Variants in RNF185 observed in about 807,000 individuals in gnomAD.
RNF185 encodes ring finger protein 185, also known as E3 ubiquitin-protein ligase RNF185.
A neutral mutation model predicts 24.9 loss-of-function variants in RNF185; 13 were observed. The ratio of observed to expected loss-of-function variants is 0.52; its 90% CI spans 0.34 to 0.83. The LOEUF (loss-of-function observed/expected upper bound fraction) is 0.83. Among genes scored for constraint, RNF185 ranks in the 40% least tolerant of loss-of-function variants. The pLI, the probability that RNF185 is intolerant of heterozygous loss-of-function variation, is 0.01. For synonymous variants in RNF185, 79 were observed against 90.3 expected, an observed-to-expected ratio of 0.88 and a Z score of 0.71; for missense variants, 184 against 244.7, an observed-to-expected ratio of 0.75 and a Z score of 1.65.
chr22:31,198,167 A>G (rs775904269), intron 5 of RNF185, among the ~76,000 whole-genome samples: 5 of 152,104 alleles, frequency 3.3e-5, no homozygotes, highest in Non-Finnish European at 7.3e-5. Flanking sequence ...TGTTTGCTTT[A>G]AAATTTAATT....
chr22:31,187,937 GT>G (rs1004194180), intron 2 of RNF185, among the ~76,000 whole-genome samples: 20 of 127,612 alleles, frequency 1.6e-4, no homozygotes, highest in African/African-American at 5.6e-4. Flanking sequence ...GTGTGTGTGT[GT>G]TTTTTTTTGT....
intron 1 of RNF185, among the ~76,000 whole-genome samples, chr22:31,183,778 A>G (rs961090800): frequency 1.3e-3 from 191 of 152,294 alleles, no homozygotes; most frequent in African/African-American, 4.3e-3. Flanking sequence ...TGCTATGTCT[A>G]CTTCTTTCTA....
At position 31,201,634 on chromosome 22, in the gene RNF185, G is replaced by A. The variant is rs776630622; in HGVS notation, c.481+19G>A. On this transcript the variant is annotated intron_variant, in intron 6 of 6. Transcript: ENST00000326132. ...CCTCCAGGTAAGACCCTATTTCCTT[G>A]AGAAATTAGGAAGATATCTTAGTAA... The A allele has an allele frequency of 1.2e-5, 18 of 1,527,428 alleles. No homozygotes were observed. In the South Asian group the frequency reaches 1.6e-4, roughly 13 times the overall value. 94.6% of individuals were successfully genotyped at this position (1,527,428 alleles called of 1,614,324 possible). A position where few individuals can be genotyped will look rare whatever the true frequency, so the allele number is the denominator to read the frequency against.
intron 3 of RNF185, among the ~76,000 whole-genome samples, chr22:31,193,058 G>A (rs1480507310): frequency 6.6e-6 from 1 of 152,170 alleles, no homozygotes; most frequent in Non-Finnish European, 1.5e-5. Context: ...GAAAATATTA[G>A]GAAGGGGAAA....
At chr22:31,184,197 AG>A (rs1002798958) in intron 1 of RNF185, among the ~76,000 whole-genome samples, 3 of 150,062 alleles carry the variant, frequency 2.0e-5, no homozygotes, top group Non-Finnish European at 4.4e-5. Context: ...CTCACTTCTC[AG>A]ACAGGGTGGC....
rs1487438510 is a variant in RNF185 at position 31,162,769 on chromosome 22, T to TC, written c.-49+2466_-49+2467insC. Among the ~76,000 whole-genome samples the TC allele has an allele frequency of 2.9e-4, 44 of 150,060 alleles. No individual in the cohort carries two copies. In the East Asian group the frequency reaches 3.1e-3, roughly 11 times the overall value. Reference sequence around the variant, plus strand: ...GGTGCTTTTTACATTTTTCTTTCTTTTTTTTTTTTTTTTAAGACGGAGTCT... The same window carrying TC: ...GGTGCTTTTTACATTTTTCTTTCTTTCTTTTTTTTTTTTTAAGACGGAGTCT... On this transcript the variant is annotated intron_variant, in intron 1 of 6. Coordinates refer to ENST00000326132, the MANE Select transcript of RNF185 (RefSeq NM_152267.4).
intron 1 of RNF185, among the ~76,000 whole-genome samples, chr22:31,160,916 T>A (rs930806768): frequency 5.3e-5 from 8 of 152,206 alleles, no homozygotes; most frequent in African/African-American, 1.9e-4. Context: ...GTCCTGTATA[T>A]ACTAATGTTT....
intron 1 of RNF185, among the ~76,000 whole-genome samples, chr22:31,161,876 C>CTTTT (rs35063806): frequency 4.7e-5 from 6 of 127,846 alleles, no homozygotes; most frequent in African/African-American, 8.7e-5. Context: ...CAAGTTCCAG[C>CTTTT]TTTTTTTTTT....
At chr22:31,197,638 C>T (rs1042283303) in intron 5 of RNF185, among the ~76,000 whole-genome samples, 17 of 152,220 alleles carry the variant, frequency 1.1e-4, no homozygotes, top group African/African-American at 3.9e-4. Flanking sequence ...TCACTGTAGC[C>T]TCGACCTCCT....
At chr22:31,191,064 T>C (rs1211999380) in intron 2 of RNF185, among the ~76,000 whole-genome samples, 1 of 152,282 alleles carries the variant, frequency 6.6e-6, no homozygotes, top group Non-Finnish European at 1.5e-5. Flanking sequence ...AAGTACACTC[T>C]GTGATGCTCA....
chr22:31,201,688 C>A, intron 6 of RNF185, 73 bp downstream of exon 6: 1 of 1,066,722 alleles, frequency 9.4e-7, no homozygotes, highest in Non-Finnish European at 1.4e-6. Flanking sequence ...TGGAATTCAG[C>A]AGTATATAAG....
chr22:31,196,355 C>A (rs945981706), intron 4 of RNF185, among the ~76,000 whole-genome samples: 1 of 152,192 alleles, frequency 6.6e-6, no homozygotes, highest in African/African-American at 2.4e-5. Context: ...AAACCATGAA[C>A]ACTTCAAGGG....
At chr22:31,184,026 A>C (rs1602822454) in intron 1 of RNF185, among the ~76,000 whole-genome samples, 4 of 131,744 alleles carry the variant, frequency 3.0e-5, no homozygotes, top group African/African-American at 6.0e-5. Context: ...GCCCCCCCCC[A>C]CCTCCCGGAC....
chr22:31,185,749 A>C (rs2048092481), intron 1 of RNF185, among the ~76,000 whole-genome samples: 1 of 152,214 alleles, frequency 6.6e-6, no homozygotes, highest in South Asian at 2.1e-4. Context: ...GTTAATGTGC[A>C]TCCAGAATTC....
intron 4 of RNF185, among the ~76,000 whole-genome samples, chr22:31,195,818 AAG>A (rs1334112620): frequency 6.6e-6 from 1 of 152,222 alleles, no homozygotes; most frequent in African/African-American, 2.4e-5. Context: ...AGCCCTGTGA[AAG>A]AGCATTTCTG....
intron 5 of RNF185, chr22:31,197,204 A>C (rs937625213): frequency 3.9e-6 from 2 of 508,564 alleles, no homozygotes; most frequent in African/African-American, 3.9e-5. Context: ...CCATTTTTCT[A>C]TAATTATATA....
At chr22:31,169,543 C>G (rs1568959536) in intron 1 of RNF185, among the ~76,000 whole-genome samples, 1 of 151,890 alleles carries the variant, frequency 6.6e-6, no homozygotes, top group Non-Finnish European at 1.5e-5. Flanking sequence ...CCCTACTTCT[C>G]TTTTTTTAAT....
At chr22:31,192,801 G>C (rs1475511524) in intron 3 of RNF185, 99 bp downstream of exon 3, 5 of 1,101,114 alleles carry the variant, frequency 4.5e-6, no homozygotes, top group Non-Finnish European at 6.9e-6. Context: ...AATCTGCCCT[G>C]CTTGTGGGCT....
At chr22:31,163,877 T>C (rs1465891286) in intron 1 of RNF185, among the ~76,000 whole-genome samples, 1 of 152,014 alleles carries the variant, frequency 6.6e-6, no homozygotes, top group East Asian at 1.9e-4. Context: ...TTTCACCATG[T>C]TGGCCAGGAT....
Sources: allele counts gnomAD v4.1 joint callset (sites outside exome capture counted in the v4.1 genomes callset), GRCh38; gene constraint gnomAD v4.1.1; transcripts MANE v1.5; gene names NCBI Gene and HGNC (gene_info 2026-07-23, HGNC 2026-07-21).